ZDHHC14: variants seen among roughly 807,000 people sequenced by gnomAD.
The protein encoded by ZDHHC14 is zDHHC palmitoyltransferase 14, also known as palmitoyltransferase ZDHHC14.
ZDHHC14 carries 16 observed loss-of-function variants against 47.7 expected under a neutral mutation model. That is an observed-to-expected ratio of 0.34 (90% CI 0.23 to 0.51). The LOEUF is 0.51. ZDHHC14 is among the 20% of genes least tolerant of loss of function. The probability of loss-of-function intolerance (pLI) is 0.97; values close to 1 mark genes in which losing one functional copy is unlikely to be tolerated. For missense variants in ZDHHC14, 515 were observed against 662.5 expected (o/e 0.78, Z 2.44); for synonymous variants, 293 against 278.9 (o/e 1.05, Z -0.50).
chr6:157,593,537 A>C (rs1784001418), intron 3 of ZDHHC14, among the ~76,000 whole-genome samples: 1 of 152,112 alleles, frequency 6.6e-6, no homozygotes, highest in Admixed American at 6.5e-5. Flanking sequence ...GGGGCGTTTA[A>C]TCCCCACTCC....
intron 3 of ZDHHC14, among the ~76,000 whole-genome samples, chr6:157,616,785 C>T (rs1303735378): frequency 6.6e-6 from 1 of 152,182 alleles, no homozygotes; most frequent in East Asian, 1.9e-4. Flanking sequence ...CAGATGATGT[C>T]TGGGTGTCAA....
intron 8 of ZDHHC14, among the ~76,000 whole-genome samples, chr6:157,662,191 TA>T (rs1160979032): frequency 6.6e-6 from 1 of 152,136 alleles, no homozygotes; most frequent in African/African-American, 2.4e-5. Context: ...TTTATTTTAT[TA>T]TTTTTTTGAG....
At chr6:157,516,640 C>T (rs1583739149) in intron 1 of ZDHHC14, among the ~76,000 whole-genome samples, 1 of 152,158 alleles carries the variant, frequency 6.6e-6, no homozygotes, top group East Asian at 1.9e-4. Flanking sequence ...TCTGTTTCAC[C>T]ATTGCAGTAT....
At chr6:157,656,340 T>G (rs1778088304) in intron 8 of ZDHHC14, among the ~76,000 whole-genome samples, 1 of 142,216 alleles carries the variant, frequency 7.0e-6, no homozygotes, top group Admixed American at 6.8e-5. Flanking sequence ...GCTACTTTTC[T>G]TTTCTTTTTT....
intron 2 of ZDHHC14, 72 bp downstream of exon 2, chr6:157,542,817 C>T (rs1781821460): frequency 3.9e-6 from 6 of 1,537,244 alleles, no homozygotes; most frequent in African/African-American, 1.4e-5. Flanking sequence ...GGACGGCAGG[C>T]CGAGGGCTGT....
At chr6:157,611,206 G>A (rs1784737933) in intron 3 of ZDHHC14, among the ~76,000 whole-genome samples, 2 of 152,032 alleles carry the variant, frequency 1.3e-5, no homozygotes, top group Non-Finnish European at 2.9e-5. Flanking sequence ...CACCATATTG[G>A]CCAGGTTGGT....
intron 1 of ZDHHC14, among the ~76,000 whole-genome samples, chr6:157,520,948 A>C (rs1430085655): frequency 6.6e-6 from 1 of 152,150 alleles, no homozygotes; most frequent in Admixed American, 6.5e-5. Flanking sequence ...ATTTAGAGGG[A>C]TTTGAATTTT....
intron 2 of ZDHHC14, among the ~76,000 whole-genome samples, chr6:157,563,633 T>C (rs1373854657): frequency 2.0e-5 from 3 of 152,118 alleles, no homozygotes; most frequent in East Asian, 1.9e-4. Flanking sequence ...GTAAAAAAGA[T>C]TGGAGTGTGT....
At chr6:157,461,050 G>T (rs1562434517) in intron 1 of ZDHHC14, among the ~76,000 whole-genome samples, 1 of 152,248 alleles carries the variant, frequency 6.6e-6, no homozygotes, top group Non-Finnish European at 1.5e-5. Flanking sequence ...GCAAAGTAAG[G>T]CCTGGTTAAA....
At chr6:157,417,497 G>A (rs1562417108) in intron 1 of ZDHHC14, among the ~76,000 whole-genome samples, 2 of 152,144 alleles carry the variant, frequency 1.3e-5, no homozygotes, top group Admixed American at 1.3e-4. Flanking sequence ...AATTTACTCA[G>A]CCAGGATGGA....
chr6:157,669,241 G>A lies in ZDHHC14; in HGVS notation c.1069-3483G>A, dbSNP rs141006485. On this transcript the variant is annotated intron_variant, in intron 8 of 8. Coordinates refer to ENST00000359775, the MANE Select transcript of ZDHHC14 (RefSeq NM_024630.3). ...GTGGGTGTGCAGGAGCTCTTTGCAGGCTTAGGTGGCAGAGAGGTGATCAGG... is the reference window on the plus strand; with the variant it reads ...GTGGGTGTGCAGGAGCTCTTTGCAGACTTAGGTGGCAGAGAGGTGATCAGG... Among the ~76,000 whole-genome samples, 458 of 152,162 alleles carry A rather than the reference G, an allele frequency of 3.0e-3. 6 individuals are homozygous for A. The East Asian group carries it at 0.034, about 11-fold the overall frequency.
Position 157,669,698 on chromosome 6 carries a change from G to A in ZDHHC14, c.1069-3026G>A, listed in dbSNP as rs28428472. ...GTTCCTTAGAGCCAGGGGGTATTGT[G>A]TGGACAGAAAGCATTAGGATGAGTG... On this transcript the variant is annotated intron_variant, in intron 8 of 8. Coordinates refer to ENST00000359775, the MANE Select transcript of ZDHHC14 (RefSeq NM_024630.3). Among the ~76,000 whole-genome samples the A allele has an allele frequency of 9.8e-3, 1,494 of 152,340 alleles. 27 individuals carry two copies. The highest frequency in any genetic ancestry group is 0.034 in the African/African-American group (1,428 of 41,576).
intron 1 of ZDHHC14, among the ~76,000 whole-genome samples, chr6:157,531,334 T>C (rs1781358831): frequency 6.6e-6 from 1 of 151,928 alleles, no homozygotes; most frequent in Middle Eastern, 3.2e-3. Flanking sequence ...CCAGGGAGGA[T>C]TACACTGTGC....
chr6:157,396,031 C>G (rs1777514709), intron 1 of ZDHHC14, among the ~76,000 whole-genome samples: 2 of 151,976 alleles, frequency 1.3e-5, no homozygotes, highest in South Asian at 4.2e-4. Context: ...CCTGCTTGTC[C>G]CTTCATAGCT....
rs760691484 is a variant in ZDHHC14, at chr6:157,542,581, G to A, written c.246-4G>A. On this transcript the variant is annotated splice_region_variant and splice_polypyrimidine_tract_variant and intron_variant, in intron 1 of 8. Transcript: ENST00000359775. Reference sequence around the variant, plus strand: ...TCTCTCCGGTCTGTCCAACCTGTCGGCAGCTGTCCGTACCTGGCGGTGAAA... The same window carrying A: ...TCTCTCCGGTCTGTCCAACCTGTCGACAGCTGTCCGTACCTGGCGGTGAAA... 4 of 1,613,642 alleles carry A rather than the reference G, an allele frequency of 2.5e-6. No individual in the cohort carries two copies. The highest frequency in any genetic ancestry group is 2.5e-6 in the Non-Finnish European group (3 of 1,179,824).
chr6:157,512,405 C>T (rs919646215), intron 1 of ZDHHC14, among the ~76,000 whole-genome samples: 2 of 152,234 alleles, frequency 1.3e-5, no homozygotes, highest in African/African-American at 4.8e-5. Flanking sequence ...CATTTTCCGC[C>T]TTAGGATTGG....
chr6:157,648,699 C>T (rs1482939483), intron 7 of ZDHHC14, among the ~76,000 whole-genome samples: 1 of 152,194 alleles, frequency 6.6e-6, no homozygotes, highest in East Asian at 1.9e-4. Context: ...TCAGACATGC[C>T]TGGGCAGGTG....
intron 1 of ZDHHC14, among the ~76,000 whole-genome samples, chr6:157,513,448 A>C (rs183011191): frequency 1.3e-5 from 2 of 152,230 alleles, no homozygotes; most frequent in East Asian, 3.9e-4. Context: ...AACATTTCAC[A>C]CCATTCCCTA....
chr6:157,584,710 C>A (rs1406715914), intron 2 of ZDHHC14, among the ~76,000 whole-genome samples: 2 of 152,130 alleles, frequency 1.3e-5, no homozygotes, highest in Non-Finnish European at 2.9e-5. Flanking sequence ...GCCCACATGC[C>A]GCACAGCCCC....
Sources: allele counts gnomAD v4.1 joint callset (sites outside exome capture counted in the v4.1 genomes callset), GRCh38; gene constraint gnomAD v4.1.1; transcripts MANE v1.5; gene names NCBI Gene and HGNC (gene_info 2026-07-23, HGNC 2026-07-21).